Variants in NLRC3 observed in about 807,000 individuals in gnomAD.
The protein encoded by NLRC3 is NLR family CARD domain containing 3, also known as NLR family CARD domain-containing protein 3.
Under a neutral mutation model 91.6 loss-of-function variants are expected in NLRC3, and 87 were observed. The observed-to-expected ratio is 0.95, with a 90% confidence interval of 0.80 to 1.14. The LOEUF (loss-of-function observed/expected upper bound fraction) is 1.14. NLRC3 is among the 50% of genes most tolerant of loss of function. The probability of loss-of-function intolerance (pLI) is 0.00; values close to 1 mark genes in which losing one functional copy is unlikely to be tolerated. For synonymous variants in NLRC3, 694 were observed against 625.3 expected (o/e 1.11, Z -1.64); for missense variants, 1,577 against 1,418.6 (o/e 1.11, Z -1.79).
At chr16:3,549,877 G>T in intron 11 of NLRC3, 97 bp from the exon 12 acceptor site, 1 of 765,006 alleles carries the variant, frequency 1.3e-6, no homozygotes, top group South Asian at 1.7e-5. Flanking sequence ...GCTCAACAGG[G>T]AGTTGGGGGC....
intron 8 of NLRC3, among the ~76,000 whole-genome samples, chr16:3,555,119 A>G (rs1307947535): frequency 6.6e-6 from 1 of 151,622 alleles, no homozygotes; most frequent in Non-Finnish European, 1.5e-5. Flanking sequence ...AATCCCAGCT[A>G]CTCGGGAGGC....
Position 3,577,348 on chromosome 16 carries a change from G to A in NLRC3, c.-368C>T. ...ACCAACCGTGTGGGGGCCGAGAGCA[G>A]TGCAGCCCCGACCTTCTGCAGCCCC... On this transcript the variant is annotated 5_prime_UTR_variant, in exon 1 of 20. Transcript: ENST00000359128. 1 of 612,598 alleles carries A rather than the reference G, an allele frequency of 1.6e-6. No homozygotes were observed. The highest frequency in any genetic ancestry group is 2.9e-6 in the Non-Finnish European group (1 of 341,910). The allele number at this position is 612,598 out of a possible 1,614,324, so 37.9% of individuals were successfully genotyped here. A position where few individuals can be genotyped will look rare whatever the true frequency, so the allele number is the denominator to read the frequency against.
chr16:3,564,835 G>T lies in NLRC3; in HGVS notation c.178+24C>A, dbSNP rs765421813. 3 of 1,588,984 alleles carry T rather than the reference G, an allele frequency of 1.9e-6. No individual in the cohort carries two copies. The highest frequency in any genetic ancestry group is 1.3e-5 in the African/African-American group (1 of 74,616). Reference sequence around the variant, plus strand: ...TCAGCCCAGGTGTTCCCCACCCCGCGTCTGCCTCCCAAGCCGGTCCTACCA... The same window carrying T: ...TCAGCCCAGGTGTTCCCCACCCCGCTTCTGCCTCCCAAGCCGGTCCTACCA... On this transcript the variant is annotated intron_variant, in intron 4 of 19. Transcript: ENST00000359128. This position sits in a 1 kb window ranked among gnomAD's most constrained non-coding sequence, Gnocchi z 5.9.
At chr16:3,559,822 T>C (rs546966945) in intron 6 of NLRC3, among the ~76,000 whole-genome samples, 2 of 151,926 alleles carry the variant, frequency 1.3e-5, no homozygotes, top group Admixed American at 1.3e-4. Flanking sequence ...TTGTATTTTT[T>C]AGTAGAGACA....
At chr16:3,551,910 C>T (rs938981286) in intron 10 of NLRC3, among the ~76,000 whole-genome samples, 1 of 151,104 alleles carries the variant, frequency 6.6e-6, no homozygotes, top group Non-Finnish European at 1.5e-5. Flanking sequence ...ACCATCCATC[C>T]ATCTATCCAC....
intron 1 of NLRC3, among the ~76,000 whole-genome samples, chr16:3,573,143 C>T (rs1388371955): frequency 6.6e-6 from 1 of 151,720 alleles, no homozygotes; most frequent in South Asian, 2.1e-4. Flanking sequence ...GGAGGCTGGG[C>T]ACCATGGCTC....
chr16:3,554,347 C>T (rs776494445), intron 8 of NLRC3, 22 bp from the exon 9 acceptor site: 45 of 1,583,660 alleles, frequency 2.8e-5, no homozygotes, highest in Non-Finnish European at 3.9e-5. Context: ...AGAAGAGGCT[C>T]ATCACTGATG....
chr16:3,570,085 G>C (rs1441368692), intron 1 of NLRC3, among the ~76,000 whole-genome samples: 2 of 152,184 alleles, frequency 1.3e-5, no homozygotes, highest in African/African-American at 2.4e-5. Context: ...CAGCTGGGAA[G>C]TGGGAGTTGG....
At chr16:3,548,329 G>A (rs2038807601) in intron 14 of NLRC3, 111 bp from the exon 15 acceptor site, 1 of 831,990 alleles carries the variant, frequency 1.2e-6, no homozygotes, top group South Asian at 1.6e-5. Context: ...GATGTGGCAG[G>A]AGAATTCCTG....
At chr16:3,570,235 T>C (rs533568028) in intron 1 of NLRC3, among the ~76,000 whole-genome samples, 2 of 152,222 alleles carry the variant, frequency 1.3e-5, no homozygotes, top group East Asian at 3.9e-4. Context: ...CCTCCCAAAG[T>C]GCTGAGATTA....
At chr16:3,560,088 A>G (rs1350001489) in intron 6 of NLRC3, among the ~76,000 whole-genome samples, 1 of 152,146 alleles carries the variant, frequency 6.6e-6, no homozygotes, top group African/African-American at 2.4e-5. Flanking sequence ...ACTCAGATAA[A>G]GATTACTTCA....
At chr16:3,550,383 G>C in intron 11 of NLRC3, 31 bp downstream of exon 11, 1 of 1,482,302 alleles carries the variant, frequency 6.7e-7, no homozygotes, top group South Asian at 1.1e-5. Flanking sequence ...GAGAACCCAG[G>C]GGGAATCGTC....
At position 3,563,865 on chromosome 16, in the gene NLRC3, T is replaced by C. The variant is rs1348809513; in HGVS notation, c.1072A>G (p.Arg358Gly). The change falls in exon 5 of 20, where the codon AGG (arginine) becomes GGG (glycine). Residue 358 changes from arginine (R) to glycine (G), a missense_variant. Physicochemically the swap from Arg to Gly is moderately radical, Grantham distance 125. Coordinates refer to ENST00000359128, the MANE Select transcript of NLRC3 (RefSeq NM_178844.4). ...CATGAGTAGAGCTCGCACAGGGTCC[T>C]CGGGGGCCACAGCTCTGCATCCTGG... ...GPQDAELWPPRTLCELYSWYF... is the reference protein window; with the variant it reads ...GPQDAELWPPGTLCELYSWYF... 2.5e-6 allele frequency: 4 copies of C among 1,603,892 alleles called. No individual in the cohort carries two copies. The Admixed American group carries it at 6.8e-5, about 27-fold the overall frequency.
Position 3,564,029 on chromosome 16 carries a change from G to T in NLRC3, c.908C>A (p.Pro303His). ...EIKVCLEQMF[P>H]EDQALLGWML... ...CCAGCCCAGAAGGGCCTGGTCCTCGGGGAACATCTGCTCCAAACACACCTT... is the reference window on the plus strand; with the variant it reads ...CCAGCCCAGAAGGGCCTGGTCCTCGTGGAACATCTGCTCCAAACACACCTT... Residue 303 changes from proline (P) to histidine (H), a missense_variant, in exon 5 of 20, where the codon CCC (proline) becomes CAC (histidine). Pro to His is a moderately conservative substitution (Grantham distance 77). Transcript: ENST00000359128. The surrounding 1 kb of genome is among the most constrained non-coding windows in gnomAD (Gnocchi z 5.9). The T allele has an allele frequency of 6.2e-7, 1 of 1,611,136 alleles. No homozygotes were observed. The highest frequency in any genetic ancestry group is 8.5e-7 in the Non-Finnish European group (1 of 1,179,868).
At chr16:3,571,159 A>G (rs1034868602) in intron 1 of NLRC3, among the ~76,000 whole-genome samples, 8 of 152,198 alleles carry the variant, frequency 5.3e-5, no homozygotes, top group Non-Finnish European at 1.0e-4. Flanking sequence ...CATTGGGGCA[A>G]TTGACCAGCC....
At chr16:3,562,650 G>A in intron 5 of NLRC3, among the ~76,000 whole-genome samples, 1 of 151,980 alleles carries the variant, frequency 6.6e-6, no homozygotes, top group South Asian at 2.1e-4. Flanking sequence ...CAAAAAAAAA[G>A]AGAGGACAGC....
intron 14 of NLRC3, 25 bp downstream of exon 14, chr16:3,548,645 G>A: frequency 2.7e-6 from 4 of 1,503,086 alleles, no homozygotes; most frequent in Non-Finnish European, 3.6e-6. Flanking sequence ...GGGGAACAGA[G>A]CAGGGTGGAG....
intron 8 of NLRC3, among the ~76,000 whole-genome samples, chr16:3,556,580 C>T (rs1481946850): frequency 3.3e-5 from 5 of 152,114 alleles, no homozygotes; most frequent in South Asian, 2.1e-4. Context: ...TCTCAACTTA[C>T]TGCAACCTCT....
At chr16:3,554,189 G>A in intron 9 of NLRC3, 53 bp downstream of exon 9, 1 of 1,359,396 alleles carries the variant, frequency 7.4e-7, no homozygotes, top group South Asian at 1.2e-5. Flanking sequence ...AGAGGCCCTT[G>A]GAGGAGGAGG....
Sources: gnomAD v4.1 joint callset for allele counts (sites outside exome capture counted in the v4.1 genomes callset) on GRCh38, gnomAD v4.1.1 for gene constraint, Gnocchi (gnomAD v3.1) non-coding constraint, MANE v1.5 for transcripts, NCBI Gene and HGNC (gene_info 2026-07-23, HGNC 2026-07-21) for gene names.